REPS2: variants seen among roughly 807,000 people sequenced by gnomAD.
The protein encoded by REPS2 is RALBP1 associated Eps domain containing 2, also known as ralBP1-associated Eps domain-containing protein 2.
In REPS2, 23 loss-of-function variants were observed where a neutral mutation model predicts 53.6. The observed-to-expected ratio is 0.43, with a 90% confidence interval of 0.31 to 0.61. The LOEUF is 0.61. Ranked by LOEUF, REPS2 falls within the 20% of genes least tolerant of loss-of-function variation. The probability of loss-of-function intolerance (pLI) is 0.11; values close to 1 mark genes in which losing one functional copy is unlikely to be tolerated. For synonymous variants in REPS2, 238 were observed against 218.6 expected, an observed-to-expected ratio of 1.09 and a Z score of -0.78; for missense variants, 446 against 534.9, an observed-to-expected ratio of 0.83 and a Z score of 1.64.
intron 2 of REPS2, among the ~76,000 whole-genome samples, chrX:17,013,551 A>G (rs1017142784): frequency 1.9e-4 from 21 of 110,856 alleles, no homozygotes; most frequent in Non-Finnish European, 1.9e-4. Context: ...CCAGTTTGGT[A>G]ATTCATAGAA....
At chrX:17,078,880 TTAA>T (rs1373908824) in intron 13 of REPS2, among the ~76,000 whole-genome samples, 1 of 112,285 alleles carries the variant, frequency 8.9e-6, no homozygotes, top group African/African-American at 3.2e-5. Flanking sequence ...AGCAAGTAGC[TTAA>T]TGTTTATGCA....
rs753825796 is a variant in REPS2 at position 17,002,348 on chromosome X, A to C, written c.274-3873A>C. Among the ~76,000 whole-genome samples the C allele has an allele frequency of 1.1e-4, 12 of 111,701 alleles. No homozygotes were observed. In the East Asian group the frequency reaches 3.4e-3, roughly 32 times the overall value. ...GAGGTGCCCAACCAAAACTTGTTAA[A>C]CTAACAAGTACTTTAAGGTTTTAGT... On this transcript the variant is annotated intron_variant, in intron 1 of 17. Transcript: ENST00000357277.
intron 1 of REPS2, among the ~76,000 whole-genome samples, chrX:16,972,992 C>T (rs900450198): frequency 1.8e-5 from 2 of 111,125 alleles, no homozygotes; most frequent in Non-Finnish European, 3.8e-5. Flanking sequence ...TCCAGGATCC[C>T]ATATTGCATT....
rs770380966 is a variant in REPS2, at chrX:16,992,627, A to T, written c.274-13594A>T. Among the ~76,000 whole-genome samples, 4 of 111,860 alleles carry T rather than the reference A, an allele frequency of 3.6e-5. No individual in the cohort carries two copies. In the Admixed American group the frequency reaches 3.8e-4, roughly 11 times the overall value. On this transcript the variant is annotated intron_variant, in intron 1 of 17. Coordinates refer to ENST00000357277, the MANE Select transcript of REPS2 (RefSeq NM_004726.3). Reference sequence around the variant, plus strand: ...GAATGCTAGCCAAAGTATAAGGTGAATGGTAGATGCAAGGACTGGGCGGTT... The same window carrying T: ...GAATGCTAGCCAAAGTATAAGGTGATTGGTAGATGCAAGGACTGGGCGGTT...
In REPS2 at chrX:17,059,998, A is replaced by G. The variant is rs189669596; in HGVS notation, c.1115-2440A>G. 4.5e-3 allele frequency among the ~76,000 whole-genome samples: 272 copies of G among 60,046 alleles called. 1 individual carries two copies. Among genetic ancestry groups the G allele is most frequent in the Middle Eastern group, 0.024 (2 of 83 alleles). 52.1% of individuals were successfully genotyped at this position (60,046 alleles called of 115,157 possible). A position where few individuals can be genotyped will look rare whatever the true frequency, so the allele number is the denominator to read the frequency against. Reference sequence around the variant, plus strand: ...AGTCTCCTTTTGATAGTTTCATCAAAAGTCTCCTTTTGATAGTTTCAGCTG... The same window carrying G: ...AGTCTCCTTTTGATAGTTTCATCAAGAGTCTCCTTTTGATAGTTTCAGCTG... On this transcript the variant is annotated intron_variant, in intron 8 of 17. Coordinates refer to ENST00000357277, the MANE Select transcript of REPS2 (RefSeq NM_004726.3).
At chrX:16,994,886 T>C (rs1203697084) in intron 1 of REPS2, among the ~76,000 whole-genome samples, 1 of 112,003 alleles carries the variant, frequency 8.9e-6, no homozygotes, top group Non-Finnish European at 1.9e-5. Context: ...CATACCCTGA[T>C]TGAAAAGAAA....
the REPS2 span, among the ~76,000 whole-genome samples, chrX:17,172,620 T>C: frequency 6.8e-4 from 76 of 111,688 alleles, no homozygotes; most frequent in Non-Finnish European, 1.2e-3. Flanking sequence ...CCTAGGTGGA[T>C]GGTTTTTCTG....
intron 5 of REPS2, among the ~76,000 whole-genome samples, chrX:17,037,428 C>T (rs1017101705): frequency 8.9e-6 from 1 of 112,704 alleles, no homozygotes; most frequent in Admixed American, 9.3e-5. Context: ...CCTGCCTCAG[C>T]TTCCTGAGTA....
intron 17 of REPS2, among the ~76,000 whole-genome samples, chrX:17,143,112 G>A (rs141117653): frequency 9.0e-6 from 1 of 111,560 alleles, no homozygotes; most frequent in African/African-American, 3.3e-5. Flanking sequence ...TCTTGAAAAG[G>A]TAAAACTATA....
chrX:17,156,111 G>A (rs770131314), downstream of REPS2, among the ~76,000 whole-genome samples: 1 of 111,832 alleles, frequency 8.9e-6, no homozygotes, highest in Non-Finnish European at 1.9e-5. Flanking sequence ...CTGCCGTATC[G>A]TTTTTCAAAT....
intron 3 of REPS2, 172 bp downstream of exon 3, chrX:17,022,443 A>G: frequency 5.2e-6 from 2 of 385,636 alleles, no homozygotes; most frequent in South Asian, 1.6e-4. Context: ...ACCGACACAT[A>G]TGAATCACCA....
the REPS2 span, among the ~76,000 whole-genome samples, chrX:17,190,753 A>G: frequency 8.9e-6 from 1 of 112,524 alleles, no homozygotes; most frequent in Non-Finnish European, 1.9e-5. Flanking sequence ...ATAGTGTGGT[A>G]TTGGTGAAAG....
At chrX:17,073,393 G>A (rs1244572979) in intron 11 of REPS2, among the ~76,000 whole-genome samples, 1 of 112,462 alleles carries the variant, frequency 8.9e-6, no homozygotes, top group African/African-American at 3.2e-5. Flanking sequence ...AAGAGGATCA[G>A]TGTTTTTGTA....
At chrX:17,051,935 T>A (rs1204664072) in intron 6 of REPS2, among the ~76,000 whole-genome samples, 1 of 112,334 alleles carries the variant, frequency 8.9e-6, no homozygotes, top group Non-Finnish European at 1.9e-5. Flanking sequence ...CCAAAAGCTT[T>A]CCCAAGATGT....
At chrX:17,015,553 C>G (rs2147824298) in intron 2 of REPS2, among the ~76,000 whole-genome samples, 1 of 110,508 alleles carries the variant, frequency 9.0e-6, no homozygotes, top group East Asian at 2.8e-4. Context: ...TAACACTATC[C>G]CTCCCCCCTT....
chrX:17,149,043 T>C lies in REPS2; in HGVS notation c.*1562T>C. The C allele has an allele frequency of 2.8e-6, 1 of 360,251 alleles. No homozygotes were observed. Among genetic ancestry groups the C allele is most frequent in the Middle Eastern group, 5.0e-4 (1 of 1,991 alleles). 29.7% of individuals were successfully genotyped at this position (360,251 alleles called of 1,213,427 possible). ...AGAGGATAAAGGCTCAAACAGATGA[T>C]GTTTTTTCCACAGAAAAACAAATTG... On this transcript the variant is annotated 3_prime_UTR_variant, in exon 18 of 18. Transcript: ENST00000357277.
rs183501595 is a variant in REPS2, at chrX:17,022,469, C to T, written c.546+198C>T. ...TGAATCACCACCACCCACTTAAGGGCCCTTTAGAGCCTACTTTAAAGTAGA... is the reference window on the plus strand; with the variant it reads ...TGAATCACCACCACCCACTTAAGGGTCCTTTAGAGCCTACTTTAAAGTAGA... On this transcript the variant is annotated intron_variant, in intron 3 of 17. Coordinates refer to ENST00000357277, the MANE Select transcript of REPS2 (RefSeq NM_004726.3). 18 of 312,126 alleles carry T rather than the reference C, an allele frequency of 5.8e-5. No homozygotes were observed. In the East Asian group the frequency reaches 8.5e-4, roughly 15 times the overall value. The allele number at this position is 312,126 out of a possible 1,213,427, so 25.7% of individuals were successfully genotyped here. A position where few individuals can be genotyped will look rare whatever the true frequency, so the allele number is the denominator to read the frequency against.
At position 17,150,176 on chromosome X, in the gene REPS2, A is replaced by G. The variant is rs1173487457; in HGVS notation, c.*2695A>G. ...ATGTGCACTTTAATTTAGGATTGTA[A>G]CGCCTAATAATATTTCTGTGAGCCT... On this transcript the variant is annotated 3_prime_UTR_variant, in exon 18 of 18. Transcript: ENST00000357277. 1 of 112,584 alleles carries G rather than the reference A, an allele frequency of 8.9e-6. No individual in the cohort carries two copies. Among genetic ancestry groups the G allele is most frequent in the Non-Finnish European group, 1.9e-5 (1 of 53,264 alleles). The allele number at this position is 112,584 out of a possible 1,213,427, so 9.3% of individuals were successfully genotyped here. A position where few individuals can be genotyped will look rare whatever the true frequency, so the allele number is the denominator to read the frequency against.
intron 1 of REPS2, among the ~76,000 whole-genome samples, chrX:16,963,177 C>CT (rs2060687973): frequency 9.0e-6 from 1 of 111,094 alleles, no homozygotes; most frequent in Non-Finnish European, 1.9e-5. Flanking sequence ...TTTTCTTTTT[C>CT]TTTTTTTTCA....
Sources: gnomAD v4.1 joint callset for allele counts (sites outside exome capture counted in the v4.1 genomes callset) on GRCh38, gnomAD v4.1.1 for gene constraint, MANE v1.5 for transcripts, NCBI Gene and HGNC (gene_info 2026-07-23, HGNC 2026-07-21) for gene names.